Variants in IQGAP1 observed in about 807,000 individuals in gnomAD.
The protein encoded by IQGAP1 is ras GTPase-activating-like protein IQGAP1.
Under a neutral mutation model 215.6 loss-of-function variants are expected in IQGAP1, and 66 were observed. That is an observed-to-expected ratio of 0.31 (90% confidence interval 0.25 to 0.38). IQGAP1 has a LOEUF of 0.38. IQGAP1 is among the 10% of genes least tolerant of loss of function. The pLI, the probability that IQGAP1 is intolerant of heterozygous loss-of-function variation, is 1.00. For synonymous variants in IQGAP1, 772 were observed against 728.7 expected (o/e 1.06, Z -0.96); for missense variants, 1,712 against 1,997.1 (o/e 0.86, Z 2.72).
intron 2 of IQGAP1, among the ~76,000 whole-genome samples, chr15:90,405,584 G>A (rs1165940427): frequency 6.6e-6 from 1 of 152,124 alleles, no homozygotes; most frequent in Non-Finnish European, 1.5e-5. Flanking sequence ...GTTTAGTGGT[G>A]AAATAAGCTT....
At chr15:90,388,932 A>AAC (rs1421208292) in intron 1 of IQGAP1, among the ~76,000 whole-genome samples, 6 of 152,144 alleles carry the variant, frequency 3.9e-5, no homozygotes, top group African/African-American at 1.4e-4. Flanking sequence ...TTTCAAAAGT[A>AAC]AAATAGTAAT....
At chr15:90,450,534 G>A (rs922030961) in intron 11 of IQGAP1, among the ~76,000 whole-genome samples, 4 of 151,428 alleles carry the variant, frequency 2.6e-5, no homozygotes, top group Non-Finnish European at 5.9e-5. Flanking sequence ...TCTCCATCCT[G>A]TTTTCCGTAG....
At chr15:90,405,742 GT>G (rs34327123) in intron 2 of IQGAP1, among the ~76,000 whole-genome samples, 28 of 142,434 alleles carry the variant, frequency 2.0e-4, no homozygotes, top group Non-Finnish European at 2.5e-4. Context: ...AGTGTTCCAG[GT>G]TTTTTTTTTT....
chr15:90,481,983 CT>C lies in IQGAP1; in HGVS notation c.3354del (p.Glu1119SerfsTer4). 6.2e-7 allele frequency: 1 copy of C among 1,614,240 alleles called. No homozygotes were observed. The highest frequency in any genetic ancestry group is 8.5e-7 in the Non-Finnish European group (1 of 1,180,044). On this transcript the variant is annotated frameshift_variant, in exon 27 of 38. Coordinates refer to ENST00000268182, the MANE Select transcript of IQGAP1 (RefSeq NM_003870.4). LOFTEE classifies it high-confidence loss of function. ...AGCAAACTGCCCTATGATGTGACCC[CT>C]GAGCAGGCGCTAGCTCATGAAGAAG... ...EASKLPYDVT[P>X]EQALAHEEVK...
chr15:90,485,339 A>C (rs1272015024), intron 30 of IQGAP1, among the ~76,000 whole-genome samples: 2 of 152,176 alleles, frequency 1.3e-5, no homozygotes, highest in African/African-American at 4.8e-5. Flanking sequence ...CATTAAGTAA[A>C]AGCGTGCACG....
At chr15:90,462,786 C>T (rs147346428) in intron 15 of IQGAP1, among the ~76,000 whole-genome samples, 1 of 152,274 alleles carries the variant, frequency 6.6e-6, no homozygotes, top group South Asian at 2.1e-4. Context: ...CTTCTGGTCC[C>T]TATCTCTTTA....
At chr15:90,460,999 T>TAAAA (rs36022965) in intron 15 of IQGAP1, among the ~76,000 whole-genome samples, 1 of 88,744 alleles carries the variant, frequency 1.1e-5, no homozygotes, top group East Asian at 3.5e-4. Flanking sequence ...ACCCTGTCTT[T>TAAAA]AAAAAAAAAA....
Position 90,494,399 on chromosome 15 carries a change from C to T in IQGAP1, c.4629-314C>T, listed in dbSNP as rs147944811. The T allele has an allele frequency of 1.5e-3, 258 of 177,426 alleles. 1 individual carries two copies. The highest frequency in any genetic ancestry group is 5.3e-3 in the African/African-American group (220 of 41,900). 11.0% of individuals were successfully genotyped at this position (177,426 alleles called of 1,614,324 possible). On this transcript the variant is annotated intron_variant, in intron 35 of 37. Coordinates refer to ENST00000268182, the MANE Select transcript of IQGAP1 (RefSeq NM_003870.4). ...CAGTACCATTCCCTCAGCTGGCATA[C>T]GAAGCTCTCCTAGTTACTTGTTAGG...
At chr15:90,429,483 A>G (rs907150943) in intron 3 of IQGAP1, 106 bp from the exon 4 acceptor site, 2 of 786,298 alleles carry the variant, frequency 2.5e-6, no homozygotes, top group African/African-American at 1.8e-5. Context: ...CATCAAAATT[A>G]AGGAAAATTT....
At chr15:90,499,873 G>C in intron 37 of IQGAP1, 122 bp from the exon 38 acceptor site, 1 of 635,076 alleles carries the variant, frequency 1.6e-6, no homozygotes, top group Non-Finnish European at 2.8e-6. Flanking sequence ...GTTCACATCT[G>C]GCACACAAGG....
At chr15:90,482,681 C>A in intron 28 of IQGAP1, 1 of 938,140 alleles carries the variant, frequency 1.1e-6, no homozygotes, top group Non-Finnish European at 1.3e-6. Flanking sequence ...AATCTGAATG[C>A]TTTTTTCTTC....
intron 2 of IQGAP1, among the ~76,000 whole-genome samples, chr15:90,409,306 C>T (rs528552651): frequency 1.8e-4 from 26 of 146,542 alleles, no homozygotes; most frequent in South Asian, 1.7e-3. Flanking sequence ...GGCACGATCT[C>T]GGTTCATTGC....
At chr15:90,401,432 C>G (rs1451270585) in intron 2 of IQGAP1, among the ~76,000 whole-genome samples, 1 of 151,988 alleles carries the variant, frequency 6.6e-6, no homozygotes, top group Non-Finnish European at 1.5e-5. Context: ...AAAGGAAAGC[C>G]AAAATAATCC....
At chr15:90,492,500 A>G (rs1349956389) in intron 34 of IQGAP1, 45 bp from the exon 35 acceptor site, 1 of 1,487,036 alleles carries the variant, frequency 6.7e-7, no homozygotes, top group African/African-American at 1.4e-5. Context: ...TGAAATGATA[A>G]TGATAACTGT....
intron 7 of IQGAP1, among the ~76,000 whole-genome samples, chr15:90,440,866 C>G (rs1038009137): frequency 4.6e-5 from 7 of 152,082 alleles, no homozygotes; most frequent in African/African-American, 1.4e-4. Context: ...CCCAGCACTT[C>G]GGGAGGCCAA....
chr15:90,394,188 G>GTTTT (rs34483049), intron 2 of IQGAP1, among the ~76,000 whole-genome samples: 13 of 124,278 alleles, frequency 1.0e-4, no homozygotes, highest in Non-Finnish European at 2.1e-4. Context: ...TGATCTTCAG[G>GTTTT]TTTTTTTTTT....
intron 3 of IQGAP1, among the ~76,000 whole-genome samples, chr15:90,427,457 G>A (rs1397789858): frequency 1.3e-5 from 2 of 152,002 alleles, no homozygotes; most frequent in African/African-American, 2.4e-5. Context: ...TTGGAATGTT[G>A]GGCCAGGCCC....
At chr15:90,404,929 T>C (rs2151004632) in intron 2 of IQGAP1, among the ~76,000 whole-genome samples, 1 of 152,334 alleles carries the variant, frequency 6.6e-6, no homozygotes, top group Admixed American at 6.5e-5. Context: ...TTTTAAAACA[T>C]ATTTGAACTT....
chr15:90,427,191 G>T (rs1426657487), intron 3 of IQGAP1, among the ~76,000 whole-genome samples: 1 of 152,088 alleles, frequency 6.6e-6, no homozygotes, highest in Non-Finnish European at 1.5e-5. Flanking sequence ...GAGCCTAGGA[G>T]GTTGAGGCTG....
Sources: allele counts gnomAD v4.1 joint callset (sites outside exome capture counted in the v4.1 genomes callset), GRCh38; gene constraint gnomAD v4.1.1; transcripts MANE v1.5; gene names NCBI Gene and HGNC (gene_info 2026-07-23, HGNC 2026-07-21).